Variants in ZNF799 observed in about 807,000 individuals in gnomAD.
The protein encoded by ZNF799 is zinc finger protein 14.
Under a neutral mutation model 41.0 loss-of-function variants are expected in ZNF799, and 28 were observed. The ratio of observed to expected loss-of-function variants is 0.68; its 90% CI spans 0.51 to 0.94. The LOEUF (loss-of-function observed/expected upper bound fraction) is 0.94, where lower values mean the gene tolerates loss of function less well. ZNF799 is among the 40% of genes least tolerant of loss of function. The pLI, the probability that ZNF799 is intolerant of heterozygous loss-of-function variation, is 0.00. For missense variants in ZNF799, 716 were observed against 764.3 expected, an observed-to-expected ratio of 0.94 and a Z score of 0.74; for synonymous variants, 213 against 252.9, an observed-to-expected ratio of 0.84 and a Z score of 1.50.
In ZNF799 at chr19:12,390,736, G is replaced by A. The variant is rs1421565079; in HGVS notation, c.1662C>T (p.His554=). ...LTCFLRHERI[H]MREKPYECQQ... ...GACACTCATAGGGTTTCTCTCTCAT[G>A]TGAATTCTTTCATGTCGTAGAAAGC... Residue 554 remains histidine, a synonymous_variant, in exon 4 of 4, where the codon CAC becomes CAT. Transcript: ENST00000430385. The A allele has an allele frequency of 6.2e-7, 1 of 1,614,018 alleles. No individual in the cohort carries two copies. Among genetic ancestry groups the A allele is most frequent in the Non-Finnish European group, 8.5e-7 (1 of 1,179,966 alleles).
chr19:12,408,896 G>A, the ZNF799 span, among the ~76,000 whole-genome samples: 47,176 of 151,698 alleles, frequency 0.31, 8,389 homozygotes, highest in African/African-American at 0.48. Context: ...TTAGCTGGGC[G>A]TGGTGGCAGG....
upstream of ZNF799, among the ~76,000 whole-genome samples, chr19:12,402,205 A>G (rs1417632603): frequency 6.6e-6 from 1 of 152,220 alleles, no homozygotes; most frequent in African/African-American, 2.4e-5. Flanking sequence ...CAGCCTCTCA[A>G]GTAGCTTCAG....
chr19:12,413,047 C>CAAAAAAAAAA, the ZNF799 span, among the ~76,000 whole-genome samples: 1 of 62,898 alleles, frequency 1.6e-5, no homozygotes. Flanking sequence ...ACTCCGTCTC[C>CAAAAAAAAAA]AAAAAAAAAA....
upstream of ZNF799, among the ~76,000 whole-genome samples, chr19:12,401,654 A>AC (rs1198185136): frequency 2.4e-5 from 3 of 123,138 alleles, no homozygotes; most frequent in Non-Finnish European, 4.7e-5. Context: ...GCTCACTGCG[A>AC]CCTCCGCCTC....
chr19:12,393,286 G>C lies in ZNF799; in HGVS notation c.130+11C>G. 1 of 942,626 alleles carries C rather than the reference G, an allele frequency of 1.1e-6. No individual in the cohort carries two copies. Among genetic ancestry groups the C allele is most frequent in the Non-Finnish European group, 1.6e-6 (1 of 606,812 alleles). The allele number at this position is 942,626 out of a possible 1,614,324, so 58.4% of individuals were successfully genotyped here. Reference sequence around the variant, plus strand: ...CCAATTAAATAAGTGGAAATGCGATGTCATCCTTACCTACACAATCCAGGT... The same window carrying C: ...CCAATTAAATAAGTGGAAATGCGATCTCATCCTTACCTACACAATCCAGGT... On this transcript the variant is annotated intron_variant, in intron 2 of 3. Coordinates refer to ENST00000430385, the MANE Select transcript of ZNF799 (RefSeq NM_001080821.3).
At chr19:12,398,077 T>C (rs1437438508) in intron 1 of ZNF799, 1 of 151,838 alleles carries the variant, frequency 6.6e-6, no homozygotes, top group African/African-American at 2.4e-5. Context: ...ATGGCGAAAC[T>C]GTCTCCACTA....
Position 12,390,204 on chromosome 19 carries a change from T to A in ZNF799, c.*262A>T. The A allele has an allele frequency of 4.8e-6, 3 of 627,058 alleles. No homozygotes were observed. The highest frequency in any genetic ancestry group is 8.2e-6 in the Non-Finnish European group (3 of 367,120). The allele number at this position is 627,058 out of a possible 1,614,324, so 38.8% of individuals were successfully genotyped here. A position where few individuals can be genotyped will look rare whatever the true frequency, so the allele number is the denominator to read the frequency against. On this transcript the variant is annotated 3_prime_UTR_variant, in exon 4 of 4. Transcript: ENST00000430385. ...GGTATTTTAAGTAATCTAGACATAATTGAGAGTATACAAGAGGATGTGGGT... is the reference window on the plus strand; with the variant it reads ...GGTATTTTAAGTAATCTAGACATAAATGAGAGTATACAAGAGGATGTGGGT...
chr19:12,403,460 C>T (rs1970011328), upstream of ZNF799, among the ~76,000 whole-genome samples: 1 of 151,702 alleles, frequency 6.6e-6, no homozygotes, highest in African/African-American at 2.4e-5. Flanking sequence ...TTCTTTTCTA[C>T]TAATTTTGGG....
At chr19:12,408,515 T>C in the ZNF799 span, among the ~76,000 whole-genome samples, 3 of 152,146 alleles carry the variant, frequency 2.0e-5, no homozygotes, top group Admixed American at 6.5e-5. Context: ...AAGAAAACTA[T>C]TTTAAATAGA....
chr19:12,397,598 C>G (rs1020878120), intron 1 of ZNF799, among the ~76,000 whole-genome samples: 21 of 138,232 alleles, frequency 1.5e-4, no homozygotes, highest in East Asian at 4.3e-4. Flanking sequence ...AAGAAAGAAA[C>G]AAAGAAACAA....
chr19:12,390,532 T>C lies in ZNF799; in HGVS notation c.1866A>G (p.Gly622=). The C allele has an allele frequency of 6.2e-7, 1 of 1,613,850 alleles. No homozygotes were observed. Among genetic ancestry groups the C allele is most frequent in the Non-Finnish European group, 8.5e-7 (1 of 1,179,834 alleles). The part of the protein sequence containing the change: ...KKTHTGENPY[G]CKECGKAFAS... Reference sequence around the variant, plus strand: ...CAAATGCTTTCCCACATTCCTTACATCCATACGGGTTCTCTCCAGTGTGAG... The same window carrying C: ...CAAATGCTTTCCCACATTCCTTACACCCATACGGGTTCTCTCCAGTGTGAG... Residue 622 remains glycine, a synonymous_variant, in exon 4 of 4, where the codon GGA becomes GGG. Coordinates refer to ENST00000430385, the MANE Select transcript of ZNF799 (RefSeq NM_001080821.3).
rs1314261558 is a variant in ZNF799 at position 12,391,040 on chromosome 19, C to A, written c.1358G>T (p.Cys453Phe). Residue 453 changes from cysteine to phenylalanine, a missense_variant, in exon 4 of 4, where the codon TGT becomes TTT. Physicochemically the swap from Cys to Phe is radical, Grantham distance 205. Transcript: ENST00000430385. Reference protein sequence around the residue: ...HTGEKPYKCKCGKAFIDFYSF... With the variant: ...HTGEKPYKCKFGKAFIDFYSF... ...ATAGAAATCAATAAAGGCTTTCCCACATTTGCATTTATAGGGTTTCTCTCC... is the reference window on the plus strand; with the variant it reads ...ATAGAAATCAATAAAGGCTTTCCCAAATTTGCATTTATAGGGTTTCTCTCC... 7 of 1,614,150 alleles carry A rather than the reference C, an allele frequency of 4.3e-6. No homozygotes were observed. Among genetic ancestry groups the A allele is most frequent in the Admixed American group, 1.7e-5 (1 of 60,022 alleles).
At chr19:12,405,979 C>A (rs747255984), upstream of ZNF799, among the ~76,000 whole-genome samples, 5 of 151,710 alleles carry the variant, frequency 3.3e-5, no homozygotes, top group Admixed American at 3.3e-4. Flanking sequence ...TTGAGATCAT[C>A]CTGGCCAACA....
At chr19:12,410,254 CATATATATATATAT>C in the ZNF799 span, among the ~76,000 whole-genome samples, 1,364 of 61,952 alleles carry the variant, frequency 0.022, 21 homozygotes, top group African/African-American at 0.055. Context: ...TGTCTGTGTG[CATATATATATATAT>C]ATATATATAT....
At position 12,401,262 on chromosome 19, in the gene ZNF799, C is replaced by A; in HGVS notation, c.-192G>T. On this transcript the variant is annotated 5_prime_UTR_variant, in exon 1 of 4. Coordinates refer to ENST00000430385, the MANE Select transcript of ZNF799 (RefSeq NM_001080821.3). ...ACCACACACTCCTCTGGGAAGCGCGCCTGATTGACAGTTCCCACGAACCCG... is the reference window on the plus strand; with the variant it reads ...ACCACACACTCCTCTGGGAAGCGCGACTGATTGACAGTTCCCACGAACCCG... The A allele has an allele frequency of 2.2e-6, 3 of 1,386,608 alleles. No individual in the cohort carries two copies. Among genetic ancestry groups the A allele is most frequent in the Admixed American group, 2.8e-5 (1 of 36,180 alleles). The allele number at this position is 1,386,608 out of a possible 1,614,324, so 85.9% of individuals were successfully genotyped here.
chr19:12,406,965 TACG>T, the ZNF799 span, among the ~76,000 whole-genome samples: 1 of 152,174 alleles, frequency 6.6e-6, no homozygotes, highest in African/African-American at 2.4e-5. Flanking sequence ...AGGTGCAAGA[TACG>T]ACAACTAAAA....
chr19:12,401,524 C>T (rs1363958273), upstream of ZNF799, among the ~76,000 whole-genome samples: 2 of 144,640 alleles, frequency 1.4e-5, no homozygotes, highest in Non-Finnish European at 3.0e-5. Flanking sequence ...TGTACACTGA[C>T]TGACAAAACA....
chr19:12,409,609 A>C, the ZNF799 span, among the ~76,000 whole-genome samples: 1 of 152,216 alleles, frequency 6.6e-6, no homozygotes, highest in Non-Finnish European at 1.5e-5. Context: ...TCTTCTCCAA[A>C]CTACATAACA....
chr19:12,400,634 C>G (rs1273611122), intron 1 of ZNF799: 2 of 271,836 alleles, frequency 7.4e-6, no homozygotes, highest in Non-Finnish European at 1.4e-5. Flanking sequence ...ACTTCCCCAC[C>G]AACCAACGAC....
Sources: allele counts gnomAD v4.1 joint callset (sites outside exome capture counted in the v4.1 genomes callset), GRCh38; gene constraint gnomAD v4.1.1; transcripts MANE v1.5; gene names NCBI Gene and HGNC (gene_info 2026-07-23, HGNC 2026-07-21).